Variants in CCDC178 observed in about 807,000 individuals in gnomAD.
The protein encoded by CCDC178 is coiled-coil domain-containing protein 178.
Under a neutral mutation model 117.4 loss-of-function variants are expected in CCDC178, and 126 were observed. The observed-to-expected ratio is 1.07, with a 90% CI of 0.93 to 1.24. The LOEUF (loss-of-function observed/expected upper bound fraction) is 1.24, where lower values mean the gene tolerates loss of function less well. CCDC178 is among the 50% of genes most tolerant of loss of function. The pLI, the probability that CCDC178 is intolerant of heterozygous loss-of-function variation, is 0.00. For missense variants in CCDC178, 1,030 were observed against 986.9 expected (o/e 1.04, Z -0.59); for synonymous variants, 283 against 313.4 (o/e 0.90, Z 1.02).
intron 20 of CCDC178, among the ~76,000 whole-genome samples, chr18:33,184,871 G>C (rs1207310050): frequency 6.6e-6 from 1 of 152,000 alleles, no homozygotes; most frequent in African/African-American, 2.4e-5. Context: ...TCATTATTCA[G>C]GTTTACTTAA....
intron 22 of CCDC178, chr18:32,954,660 A>G (rs1365974151): frequency 3.3e-5 from 5 of 152,112 alleles, no homozygotes; most frequent in Non-Finnish European, 7.4e-5. Flanking sequence ...ACGCAGAGAG[A>G]ATTGGGAGGT....
At chr18:33,211,664 G>A (rs1023791016) in intron 20 of CCDC178, among the ~76,000 whole-genome samples, 4 of 151,680 alleles carry the variant, frequency 2.6e-5, no homozygotes, top group African/African-American at 7.3e-5. Context: ...AATAAAGTAC[G>A]ATAATAAATG....
chr18:32,976,815 C>T (rs1768647795), intron 21 of CCDC178, among the ~76,000 whole-genome samples: 3 of 152,026 alleles, frequency 2.0e-5, no homozygotes, highest in Admixed American at 2.0e-4. Context: ...AACAGGATAT[C>T]TCATTTCTGA....
intron 2 of CCDC178, among the ~76,000 whole-genome samples, chr18:33,424,739 GC>G (rs1481666171): frequency 6.6e-6 from 1 of 152,184 alleles, no homozygotes; most frequent in Non-Finnish European, 1.5e-5. Flanking sequence ...GGTGGCAGGA[GC>G]CACAGAGCTA....
At chr18:33,282,412 G>A (rs988502306) in intron 12 of CCDC178, among the ~76,000 whole-genome samples, 3 of 152,080 alleles carry the variant, frequency 2.0e-5, no homozygotes, top group Non-Finnish European at 4.4e-5. Context: ...GGGAACTGTC[G>A]GTCCTGATCT....
intron 20 of CCDC178, among the ~76,000 whole-genome samples, chr18:33,207,973 T>C (rs2144577868): frequency 6.6e-6 from 1 of 152,162 alleles, no homozygotes; most frequent in African/African-American, 2.4e-5. Context: ...TTGTGATCAT[T>C]GAAGCACCGG....
At chr18:33,279,831 G>T (rs2059998690) in intron 12 of CCDC178, among the ~76,000 whole-genome samples, 1 of 152,136 alleles carries the variant, frequency 6.6e-6, no homozygotes, top group Non-Finnish European at 1.5e-5. Context: ...TGACAAACCT[G>T]AGAAAAACAA....
intron 11 of CCDC178, among the ~76,000 whole-genome samples, chr18:33,301,622 G>T (rs1470543706): frequency 6.6e-6 from 1 of 152,218 alleles, no homozygotes; most frequent in Non-Finnish European, 1.5e-5. Flanking sequence ...CTCGATGTGG[G>T]ACATGGAGTA....
At chr18:33,211,748 GA>G in intron 20 of CCDC178, 147 bp downstream of exon 20, 1 of 601,012 alleles carries the variant, frequency 1.7e-6, no homozygotes, top group Non-Finnish European at 2.8e-6. Context: ...AAGAAACAAT[GA>G]AAACTTCCAG....
chr18:33,413,687 C>A (rs1348387113), intron 2 of CCDC178, among the ~76,000 whole-genome samples: 1 of 150,884 alleles, frequency 6.6e-6, no homozygotes, highest in Non-Finnish European at 1.5e-5. Context: ...ACATTTTAGG[C>A]CACTCTTTCC....
rs115350452 is a variant in CCDC178, at chr18:33,013,479, C to T, written c.2389-38798G>A. Among the ~76,000 whole-genome samples, 960 of 152,210 alleles carry T rather than the reference C, an allele frequency of 6.3e-3. 9 individuals are homozygous for T. Among genetic ancestry groups the T allele is most frequent in the African/African-American group, 0.022 (928 of 41,518 alleles). ...GGCTTTGGGTACTCAAAGTGGTGAA[C>T]CATTTTTTAAATGCATTCCATTTTA... On this transcript the variant is annotated intron_variant, in intron 21 of 22. Transcript: ENST00000383096.
At chr18:33,272,020 C>A (rs1355724759) in intron 12 of CCDC178, among the ~76,000 whole-genome samples, 1 of 151,180 alleles carries the variant, frequency 6.6e-6, no homozygotes, top group African/African-American at 2.4e-5. Context: ...GCTAACTAAA[C>A]CCAAAGCAAG....
At chr18:32,988,589 T>C (rs994590751) in intron 21 of CCDC178, among the ~76,000 whole-genome samples, 1 of 152,064 alleles carries the variant, frequency 6.6e-6, no homozygotes, top group African/African-American at 2.4e-5. Context: ...TAAGAGCTTT[T>C]CATCCAAATT....
chr18:33,198,683 CTT>C (rs1244076292), intron 20 of CCDC178, among the ~76,000 whole-genome samples: 1 of 152,086 alleles, frequency 6.6e-6, no homozygotes, highest in Non-Finnish European at 1.5e-5. Context: ...CTTATAATAA[CTT>C]AATATTTTGT....
chr18:33,030,584 TGA>T (rs1191434989), intron 21 of CCDC178, among the ~76,000 whole-genome samples: 2 of 142,524 alleles, frequency 1.4e-5, no homozygotes, highest in Middle Eastern at 3.8e-3. Flanking sequence ...GATATAGATA[TGA>T]GAGAGAGAGA....
At chr18:33,357,121 C>T in intron 6 of CCDC178, among the ~76,000 whole-genome samples, 1 of 152,148 alleles carries the variant, frequency 6.6e-6, no homozygotes, top group Non-Finnish European at 1.5e-5. Flanking sequence ...AGATGTCCCA[C>T]CTTTCCAGGC....
intron 20 of CCDC178, among the ~76,000 whole-genome samples, chr18:33,141,268 C>A (rs559011683): frequency 6.6e-6 from 1 of 152,298 alleles, no homozygotes; most frequent in African/African-American, 2.4e-5. Flanking sequence ...CAAATACTTT[C>A]TTTGGGGCAG....
intron 22 of CCDC178, among the ~76,000 whole-genome samples, chr18:32,948,110 G>T (rs1343774612): frequency 6.6e-6 from 1 of 152,006 alleles, no homozygotes; most frequent in East Asian, 1.9e-4. Context: ...ACTTTATAAT[G>T]AATTTTGAAA....
At chr18:33,434,215 A>G (rs1325533388) in intron 2 of CCDC178, among the ~76,000 whole-genome samples, 3 of 152,156 alleles carry the variant, frequency 2.0e-5, no homozygotes, top group African/African-American at 7.2e-5. Flanking sequence ...ACACCCACTA[A>G]GAAATCTGTG....
Sources: allele counts gnomAD v4.1 joint callset (sites outside exome capture counted in the v4.1 genomes callset), GRCh38; gene constraint gnomAD v4.1.1; transcripts MANE v1.5; gene names NCBI Gene and HGNC (gene_info 2026-07-23, HGNC 2026-07-21).